SPOCK1: variants seen among roughly 807,000 people sequenced by gnomAD.
SPOCK1 encodes the protein SPARC (osteonectin), cwcv and kazal like domains proteoglycan 1.
SPOCK1 carries 23 observed loss-of-function variants against 55.3 expected under a neutral mutation model. That is an observed-to-expected ratio of 0.42 (90% CI 0.30 to 0.59). The LOEUF is 0.59. Ranked by LOEUF, SPOCK1 falls within the 20% of genes least tolerant of loss-of-function variation. The pLI is 0.22. For synonymous variants in SPOCK1, 226 were observed against 221.0 expected, an observed-to-expected ratio of 1.02 and a Z score of -0.20; for missense variants, 499 against 552.5, an observed-to-expected ratio of 0.90 and a Z score of 0.97.
At chr5:137,005,163 G>T (rs1222594386) in intron 6 of SPOCK1, among the ~76,000 whole-genome samples, 1 of 152,112 alleles carries the variant, frequency 6.6e-6, no homozygotes. Context: ...ACCATACAGA[G>T]GAGCCATTTT....
intron 2 of SPOCK1, among the ~76,000 whole-genome samples, chr5:137,355,782 T>C (rs531244132): frequency 3.3e-5 from 5 of 152,058 alleles, no homozygotes; most frequent in Non-Finnish European, 7.4e-5. Context: ...CCCCCTCTCC[T>C]TCTCTGGCTC....
intron 4 of SPOCK1, among the ~76,000 whole-genome samples, chr5:137,131,746 G>A (rs1187619669): frequency 6.6e-6 from 1 of 151,516 alleles, no homozygotes; most frequent in East Asian, 1.9e-4. Context: ...GCCAAGATGG[G>A]CGGATCACGA....
At chr5:137,288,828 G>A (rs1757313811) in intron 2 of SPOCK1, among the ~76,000 whole-genome samples, 1 of 152,216 alleles carries the variant, frequency 6.6e-6, no homozygotes, top group South Asian at 2.1e-4. Context: ...AGCCACTAAG[G>A]TGACTGTTGA....
intron 6 of SPOCK1, among the ~76,000 whole-genome samples, chr5:137,024,445 C>G (rs1380787945): frequency 6.6e-6 from 1 of 151,962 alleles, no homozygotes; most frequent in Non-Finnish European, 1.5e-5. Flanking sequence ...GAGCACCAAC[C>G]TTTGACCTAT....
At chr5:137,390,245 A>C (rs1580899559) in intron 2 of SPOCK1, among the ~76,000 whole-genome samples, 1 of 152,184 alleles carries the variant, frequency 6.6e-6, no homozygotes. Flanking sequence ...GGAGAAGTCA[A>C]TCTGGGGAAA....
At chr5:137,005,100 A>G (rs527673859) in intron 6 of SPOCK1, among the ~76,000 whole-genome samples, 1 of 152,320 alleles carries the variant, frequency 6.6e-6, no homozygotes, top group African/African-American at 2.4e-5. Context: ...AGCACAGCTG[A>G]TAAGAGAAAC....
At chr5:137,248,121 C>G (rs1279720046) in intron 3 of SPOCK1, among the ~76,000 whole-genome samples, 5 of 152,140 alleles carry the variant, frequency 3.3e-5, no homozygotes, top group Non-Finnish European at 5.9e-5. Flanking sequence ...GATTAGCTAC[C>G]AACAAACTTT....
chr5:137,449,616 C>G (rs1471890058), intron 2 of SPOCK1, among the ~76,000 whole-genome samples: 1 of 152,152 alleles, frequency 6.6e-6, no homozygotes, highest in Admixed American at 6.5e-5. Flanking sequence ...GAGCCTGGCA[C>G]AGTGGCTCAT....
chr5:137,021,347 T>C (rs950685061), intron 6 of SPOCK1, among the ~76,000 whole-genome samples: 1 of 152,132 alleles, frequency 6.6e-6, no homozygotes, highest in African/African-American at 2.4e-5. Flanking sequence ...GATGCAAATA[T>C]GTGCCAAACT....
At chr5:137,076,144 C>T (rs1752755281) in intron 5 of SPOCK1, among the ~76,000 whole-genome samples, 1 of 151,256 alleles carries the variant, frequency 6.6e-6, no homozygotes, top group African/African-American at 2.4e-5. Context: ...ACCCGAAGGG[C>T]TCTCAGTGAA....
chr5:137,292,426 T>TAAAA (rs753574851), intron 2 of SPOCK1, among the ~76,000 whole-genome samples: 18 of 38,006 alleles, frequency 4.7e-4, no homozygotes, highest in East Asian at 3.5e-3. Flanking sequence ...CTGGTGTAGT[T>TAAAA]AAAAAAAAAA....
intron 6 of SPOCK1, among the ~76,000 whole-genome samples, chr5:137,055,429 G>A (rs948489981): frequency 1.3e-5 from 2 of 152,222 alleles, no homozygotes; most frequent in African/African-American, 2.4e-5. Context: ...CAGAGGCCTT[G>A]AGAAGCAAGG....
At chr5:137,332,690 C>T (rs1228327053) in intron 2 of SPOCK1, among the ~76,000 whole-genome samples, 2 of 152,152 alleles carry the variant, frequency 1.3e-5, no homozygotes, top group African/African-American at 4.8e-5. Flanking sequence ...CAGTGTCATG[C>T]AAATAGAAAG....
chr5:137,076,797 G>A (rs993817227), intron 5 of SPOCK1, among the ~76,000 whole-genome samples: 1 of 152,138 alleles, frequency 6.6e-6, no homozygotes, highest in African/African-American at 2.4e-5. Context: ...CTATGTGAGA[G>A]CAGGTGTTAA....
intron 2 of SPOCK1, among the ~76,000 whole-genome samples, chr5:137,430,344 G>A (rs887207222): frequency 2.0e-5 from 3 of 152,170 alleles, no homozygotes; most frequent in South Asian, 2.1e-4. Context: ...CTCATACTCC[G>A]CAATTCACAG....
chr5:137,066,987 C>CACACAG (rs1343691789), intron 6 of SPOCK1, among the ~76,000 whole-genome samples: 21 of 139,586 alleles, frequency 1.5e-4, no homozygotes, highest in African/African-American at 5.5e-4. Flanking sequence ...CACACACACA[C>CACACAG]AGAGAGAGAG....
At chr5:137,112,341 C>G (rs529166861) in intron 5 of SPOCK1, 94 bp downstream of exon 5, 1 of 1,506,498 alleles carries the variant, frequency 6.6e-7, no homozygotes, top group African/African-American at 1.4e-5. Context: ...CTGGAGCCCA[C>G]CACGCTTCCC....
At chr5:137,294,138 A>T (rs921868280) in intron 2 of SPOCK1, among the ~76,000 whole-genome samples, 2 of 152,144 alleles carry the variant, frequency 1.3e-5, no homozygotes, top group Admixed American at 6.5e-5. Context: ...TTTAATTTCA[A>T]TGAATTTAAA....
intron 5 of SPOCK1, among the ~76,000 whole-genome samples, chr5:137,087,109 A>T (rs2127017131): frequency 6.6e-6 from 1 of 152,352 alleles, no homozygotes; most frequent in East Asian, 1.9e-4. Context: ...AATCGATACA[A>T]CAAAAAGCCA....
Sources: gnomAD v4.1 joint callset for allele counts (sites outside exome capture counted in the v4.1 genomes callset) on GRCh38, gnomAD v4.1.1 for gene constraint, MANE v1.5 for transcripts, NCBI Gene and HGNC (gene_info 2026-07-23, HGNC 2026-07-21) for gene names.